Variants in TMEM177 observed in about 807,000 individuals in gnomAD.
TMEM177 encodes transmembrane protein 177.
Under a neutral mutation model 14.2 loss-of-function variants are expected in TMEM177, and 4 were observed. That is an observed-to-expected ratio of 0.28 (90% CI 0.14 to 0.64). TMEM177 has a LOEUF of 0.64. TMEM177 is among the 30% of genes least tolerant of loss of function. TMEM177 has a pLI of 0.82. For missense variants in TMEM177, 344 were observed against 405.2 expected, an observed-to-expected ratio of 0.85 and a Z score of 1.30; for synonymous variants, 179 against 174.5, an observed-to-expected ratio of 1.03 and a Z score of -0.20.
chr2:119,679,291 C>G lies in TMEM177; in HGVS notation c.-23+15C>G, dbSNP rs1358958858. The G allele has an allele frequency of 6.6e-6, 1 of 152,218 alleles. No homozygotes were observed. The highest frequency in any genetic ancestry group is 1.5e-5 in the Non-Finnish European group (1 of 68,052). 9.4% of individuals were successfully genotyped at this position (152,218 alleles called of 1,614,324 possible). ...GATGCGACCCGGTAACGCGTTCAGA[C>G]TGCGGAGTAGCCTAGGGGCCCAGAG... On this transcript the variant is annotated intron_variant, in intron 1 of 1. Transcript: ENST00000272521.
At chr2:119,692,003 A>G in the TMEM177 span, among the ~76,000 whole-genome samples, 2 of 152,202 alleles carry the variant, frequency 1.3e-5, no homozygotes, top group Non-Finnish European at 2.9e-5. Flanking sequence ...GAGGAAGCAC[A>G]ACCGATGTCA....
At chr2:119,684,588 A>G (rs1335958279), downstream of TMEM177, among the ~76,000 whole-genome samples, 2 of 152,228 alleles carry the variant, frequency 1.3e-5, no homozygotes, top group Non-Finnish European at 2.9e-5. Flanking sequence ...ATAAATGAAC[A>G]GGGCTCTAAG....
the TMEM177 span, chr2:119,699,078 G>A: frequency 3.1e-5 from 6 of 194,962 alleles, no homozygotes; most frequent in South Asian, 1.0e-4. Context: ...GTGTCTGAAC[G>A]ATGTCACTTT....
the TMEM177 span, among the ~76,000 whole-genome samples, chr2:119,707,109 C>T: frequency 5.3e-5 from 8 of 151,976 alleles, no homozygotes; most frequent in South Asian, 2.1e-4. Context: ...GACAGGGTTT[C>T]GCCATGTTAG....
the TMEM177 span, among the ~76,000 whole-genome samples, chr2:119,707,588 C>T: frequency 6.6e-6 from 1 of 152,236 alleles, no homozygotes; most frequent in African/African-American, 2.4e-5. Flanking sequence ...AATGGCTCTT[C>T]TGCCCCAAGG....
In TMEM177 at chr2:119,681,929, C is replaced by A. The variant is rs1688917509; in HGVS notation, c.*140C>A. 2 of 705,482 alleles carry A rather than the reference C, an allele frequency of 2.8e-6. No homozygotes were observed. The highest frequency in any genetic ancestry group is 3.8e-5 in the South Asian group (2 of 52,618). 43.7% of individuals were successfully genotyped at this position (705,482 alleles called of 1,614,324 possible). The stretch of plus-strand genomic sequence containing the variant: ...TTGGAATTAAATAGCTTAGATTGTA[C>A]TATAACCACTACTTATGAACTCAGG... On this transcript the variant is annotated 3_prime_UTR_variant, in exon 2 of 2. Transcript: ENST00000272521.
chr2:119,723,327 A>C, the TMEM177 span, among the ~76,000 whole-genome samples: 2 of 152,196 alleles, frequency 1.3e-5, no homozygotes, highest in African/African-American at 4.8e-5. Context: ...GGCCTGAAAG[A>C]CATCCAAGGA....
At chr2:119,717,436 A>G in the TMEM177 span, among the ~76,000 whole-genome samples, 1,085 of 152,048 alleles carry the variant, frequency 7.1e-3, 8 homozygotes, top group African/African-American at 0.024. Context: ...CACTGGGTGC[A>G]CCCCCAGGAA....
chr2:119,695,196 C>G, the TMEM177 span, among the ~76,000 whole-genome samples: 2 of 152,224 alleles, frequency 1.3e-5, no homozygotes, highest in Non-Finnish European at 2.9e-5. Context: ...ACGAAGGTGA[C>G]AGCCCCGGAA....
At chr2:119,703,226 G>A in the TMEM177 span, among the ~76,000 whole-genome samples, 17 of 152,142 alleles carry the variant, frequency 1.1e-4, no homozygotes, top group African/African-American at 4.1e-4. Context: ...AGTTCTTTTG[G>A]GTGCTACTCC....
At chr2:119,689,754 C>G (rs758124506), downstream of TMEM177, among the ~76,000 whole-genome samples, 1 of 152,158 alleles carries the variant, frequency 6.6e-6, no homozygotes, top group South Asian at 2.1e-4. Flanking sequence ...AGGAATGAGA[C>G]AGTTTATGTA....
the TMEM177 span, among the ~76,000 whole-genome samples, chr2:119,707,684 C>T: frequency 6.6e-6 from 1 of 152,224 alleles, no homozygotes; most frequent in Non-Finnish European, 1.5e-5. Flanking sequence ...GCAAACTATG[C>T]TTCAGGGTAG....
chr2:119,700,418 C>T, the TMEM177 span, among the ~76,000 whole-genome samples: 2 of 152,166 alleles, frequency 1.3e-5, no homozygotes, highest in South Asian at 4.2e-4. Context: ...AAGCAACGGT[C>T]AACTCGAGCT....
downstream of TMEM177, chr2:119,686,240 G>A (rs1689013324): frequency 6.7e-6 from 1 of 150,066 alleles, no homozygotes; most frequent in African/African-American, 2.5e-5. Context: ...TGCAAAATGT[G>A]GAGCCTGGTG....
At chr2:119,723,257 C>T in the TMEM177 span, among the ~76,000 whole-genome samples, 1 of 152,172 alleles carries the variant, frequency 6.6e-6, no homozygotes, top group Non-Finnish European at 1.5e-5. Flanking sequence ...GTCTGAGTCG[C>T]ACCCAGACTT....
At chr2:119,715,169 G>A in the TMEM177 span, among the ~76,000 whole-genome samples, 1 of 152,076 alleles carries the variant, frequency 6.6e-6, no homozygotes, top group Non-Finnish European at 1.5e-5. Flanking sequence ...GATCACTTGA[G>A]GCCAGGTGTT....
At chr2:119,721,279 ACT>A in the TMEM177 span, among the ~76,000 whole-genome samples, 1 of 152,192 alleles carries the variant, frequency 6.6e-6, no homozygotes, top group Non-Finnish European at 1.5e-5. Context: ...ATGGAATGGC[ACT>A]CTGATAAAAA....
downstream of TMEM177, among the ~76,000 whole-genome samples, chr2:119,690,437 A>G (rs904936180): frequency 6.6e-6 from 1 of 152,170 alleles, no homozygotes; most frequent in Non-Finnish European, 1.5e-5. Context: ...TCTTTATAAC[A>G]ATGCGAGAAT....
chr2:119,714,176 G>A, the TMEM177 span, among the ~76,000 whole-genome samples: 1 of 152,150 alleles, frequency 6.6e-6, no homozygotes, highest in Non-Finnish European at 1.5e-5. Flanking sequence ...GGCATTGGAG[G>A]CATACAAGAG....
Sources: gnomAD v4.1 joint callset for allele counts (sites outside exome capture counted in the v4.1 genomes callset) on GRCh38, gnomAD v4.1.1 for gene constraint, MANE v1.5 for transcripts, NCBI Gene and HGNC (gene_info 2026-07-23, HGNC 2026-07-21) for gene names.